Variants in CSMD1 observed in about 807,000 individuals in gnomAD.
The protein encoded by CSMD1 is CUB and Sushi multiple domains 1, also known as CUB and sushi domain-containing protein 1.
Under a neutral mutation model 417.5 loss-of-function variants are expected in CSMD1, and 213 were observed. The observed-to-expected ratio is 0.51, with a 90% CI of 0.46 to 0.57. CSMD1 has a LOEUF of 0.57. Ranked by LOEUF, CSMD1 falls within the 20% of genes least tolerant of loss-of-function variation. The pLI, the probability that CSMD1 is intolerant of heterozygous loss-of-function variation, is 0.00. For missense variants in CSMD1, 6,923 were observed against 4,529.7 expected (o/e 1.53, Z -15.17); for synonymous variants, 2,862 against 1,736.8 (o/e 1.65, Z -16.11).
chr8:3,999,439 C>G (rs987839904), intron 4 of CSMD1, among the ~76,000 whole-genome samples: 1 of 152,178 alleles, frequency 6.6e-6, no homozygotes, highest in East Asian at 1.9e-4. Flanking sequence ...TTTCTTTCAT[C>G]TTTCAGCGAT....
chr8:3,582,844 T>C (rs540653779), intron 9 of CSMD1, among the ~76,000 whole-genome samples: 49 of 152,346 alleles, frequency 3.2e-4, no homozygotes, highest in Admixed American at 1.6e-3. Context: ...AGCTACTAAA[T>C]ATTTCAAAAT....
intron 2 of CSMD1, among the ~76,000 whole-genome samples, chr8:4,578,061 G>C (rs1585276676): frequency 6.6e-6 from 1 of 152,146 alleles, no homozygotes; most frequent in East Asian, 1.9e-4. Flanking sequence ...TGTGTAAAAA[G>C]TTGACTGTGC....
At chr8:4,317,457 A>C (rs1057429868) in intron 3 of CSMD1, among the ~76,000 whole-genome samples, 1 of 152,182 alleles carries the variant, frequency 6.6e-6, no homozygotes, top group Non-Finnish European at 1.5e-5. Context: ...ACAGATGTCT[A>C]TACGCTGCCA....
At chr8:4,387,508 T>C (rs34713271) in intron 3 of CSMD1, among the ~76,000 whole-genome samples, 1 of 136,154 alleles carries the variant, frequency 7.3e-6, no homozygotes, top group Non-Finnish European at 1.5e-5. Context: ...TGTTCATAAA[T>C]ACTATTTCTG....
chr8:4,069,153 T>C (rs1799413546), intron 3 of CSMD1, among the ~76,000 whole-genome samples: 1 of 152,182 alleles, frequency 6.6e-6, no homozygotes, highest in African/African-American at 2.4e-5. Context: ...GGAGACTGGT[T>C]GCAAATATAT....
intron 39 of CSMD1, among the ~76,000 whole-genome samples, chr8:3,152,952 C>T (rs1229133719): frequency 6.6e-6 from 1 of 152,144 alleles, no homozygotes; most frequent in Non-Finnish European, 1.5e-5. Flanking sequence ...ATCCAACTGT[C>T]AGAGGTGTTA....
At chr8:4,202,958 G>T (rs913829670) in intron 3 of CSMD1, among the ~76,000 whole-genome samples, 1 of 152,082 alleles carries the variant, frequency 6.6e-6, no homozygotes, top group South Asian at 2.1e-4. Flanking sequence ...GCAGTTGTGG[G>T]AGGAGAACGA....
chr8:4,084,186 T>G (rs1298840017), intron 3 of CSMD1, among the ~76,000 whole-genome samples: 7 of 152,202 alleles, frequency 4.6e-5, no homozygotes, highest in Non-Finnish European at 5.9e-5. Flanking sequence ...AATTTTAAAA[T>G]GTATTTTTTC....
intron 1 of CSMD1, among the ~76,000 whole-genome samples, chr8:4,717,270 A>G (rs1232802478): frequency 2.0e-5 from 3 of 149,094 alleles, no homozygotes; most frequent in East Asian, 2.0e-4. Flanking sequence ...TAGGGCCTCA[A>G]AGAAGCATCT....
intron 4 of CSMD1, among the ~76,000 whole-genome samples, chr8:4,030,975 G>C (rs146184398): frequency 2.0e-5 from 3 of 152,142 alleles, no homozygotes; most frequent in Admixed American, 6.5e-5. Context: ...CTTTGGTCCA[G>C]TTATGAACAA....
At chr8:4,741,530 G>C (rs1304904760) in intron 1 of CSMD1, among the ~76,000 whole-genome samples, 2 of 152,082 alleles carry the variant, frequency 1.3e-5, no homozygotes, top group Non-Finnish European at 2.9e-5. Flanking sequence ...AAAAATAATT[G>C]CATGTTTTGA....
At chr8:3,648,649 T>G (rs951475282) in intron 7 of CSMD1, among the ~76,000 whole-genome samples, 7 of 152,218 alleles carry the variant, frequency 4.6e-5, no homozygotes, top group African/African-American at 1.4e-4. Context: ...CAGGACAAAC[T>G]GACCTTACTT....
intron 3 of CSMD1, among the ~76,000 whole-genome samples, chr8:4,223,610 G>T (rs1300221884): frequency 1.3e-5 from 2 of 152,232 alleles, no homozygotes; most frequent in African/African-American, 2.4e-5. Context: ...GATTGACCAT[G>T]GGAAAGAATA....
chr8:4,745,109 A>C (rs2117022732), intron 1 of CSMD1, among the ~76,000 whole-genome samples: 1 of 152,294 alleles, frequency 6.6e-6, no homozygotes, highest in Non-Finnish European at 1.5e-5. Flanking sequence ...ATGGCATGTC[A>C]AAATCCATAC....
chr8:4,263,911 GTT>G (rs1563356689), intron 3 of CSMD1, among the ~76,000 whole-genome samples: 4 of 152,118 alleles, frequency 2.6e-5, no homozygotes, highest in African/African-American at 9.7e-5. Flanking sequence ...TAGTCCTGCA[GTT>G]TTCTAAATAC....
intron 1 of CSMD1, among the ~76,000 whole-genome samples, chr8:4,730,663 C>G (rs964589806): frequency 3.3e-5 from 5 of 151,972 alleles, no homozygotes; most frequent in African/African-American, 1.2e-4. Flanking sequence ...ATGGTGTGAA[C>G]CCGGGAAGCG....
At chr8:4,874,683 A>G (rs543009712) in intron 1 of CSMD1, among the ~76,000 whole-genome samples, 36 of 151,988 alleles carry the variant, frequency 2.4e-4, no homozygotes, top group Admixed American at 1.2e-3. Flanking sequence ...TCTTATGTAG[A>G]ATAGCTAACA....
intron 6 of CSMD1, among the ~76,000 whole-genome samples, chr8:3,745,057 C>T: frequency 6.6e-6 from 1 of 152,166 alleles, no homozygotes; most frequent in Non-Finnish European, 1.5e-5. Flanking sequence ...AATAATTCAA[C>T]ATGTTAACAA....
intron 3 of CSMD1, among the ~76,000 whole-genome samples, chr8:4,402,015 CT>C (rs1563135772): frequency 5.9e-5 from 9 of 152,252 alleles, no homozygotes; most frequent in African/African-American, 1.9e-4. Context: ...GCTGCTACCA[CT>C]GTTATAATTC....
Sources: gnomAD v4.1 joint callset for allele counts (sites outside exome capture counted in the v4.1 genomes callset) on GRCh38, gnomAD v4.1.1 for gene constraint, MANE v1.5 for transcripts, NCBI Gene and HGNC (gene_info 2026-07-23, HGNC 2026-07-21) for gene names.